DDR2: variants seen among roughly 807,000 people sequenced by gnomAD.
DDR2 encodes discoidin domain-containing receptor 2.
Under a neutral mutation model 94.9 loss-of-function variants are expected in DDR2, and 27 were observed. That is an observed-to-expected ratio of 0.28 (90% CI 0.21 to 0.39). The LOEUF is 0.39. Ranked by LOEUF, DDR2 falls within the 10% of genes least tolerant of loss-of-function variation. DDR2 has a pLI of 1.00. For synonymous variants in DDR2, 382 were observed against 377.2 expected (o/e 1.01, Z -0.15); for missense variants, 783 against 1,076.0 (o/e 0.73, Z 3.81).
intron 9 of DDR2, among the ~76,000 whole-genome samples, chr1:162,762,963 A>G (rs1663815901): frequency 6.6e-6 from 1 of 151,990 alleles, no homozygotes; most frequent in Non-Finnish European, 1.5e-5. Context: ...CAGCCTCCCA[A>G]GTAGCTGGGA....
chr1:162,706,196 T>C (rs1478940380), intron 2 of DDR2, among the ~76,000 whole-genome samples: 1 of 152,178 alleles, frequency 6.6e-6, no homozygotes, highest in Non-Finnish European at 1.5e-5. Flanking sequence ...TCAGCAGCCA[T>C]TCCTGGACAC....
chr1:162,634,793 A>G (rs1656734943), intron 1 of DDR2, among the ~76,000 whole-genome samples: 2 of 152,238 alleles, frequency 1.3e-5, no homozygotes, highest in Non-Finnish European at 2.9e-5. Flanking sequence ...GTGTTTAGTC[A>G]GGACCAGTCC....
chr1:162,631,540 C>T, upstream of DDR2: 1 of 152,170 alleles, frequency 6.6e-6, no homozygotes, highest in Non-Finnish European at 1.5e-5. Flanking sequence ...ATTCTCCATA[C>T]TCACGGAGAA....
In DDR2 at chr1:162,781,408, G is replaced by A. The variant is rs756756335; in HGVS notation, c.*1162G>A. 2 of 152,338 alleles carry A rather than the reference G, an allele frequency of 1.3e-5. No homozygotes were observed. The highest frequency in any genetic ancestry group is 4.8e-5 in the African/African-American group (2 of 41,580). The allele number at this position is 152,338 out of a possible 1,614,324, so 9.4% of individuals were successfully genotyped here. A position where few individuals can be genotyped will look rare whatever the true frequency, so the allele number is the denominator to read the frequency against. On this transcript the variant is annotated 3_prime_UTR_variant, in exon 18 of 18. Coordinates refer to ENST00000367921, the MANE Select transcript of DDR2 (RefSeq NM_006182.4). Reference sequence around the variant, plus strand: ...ATTTCCATTCCTTATTGGGGAAAACGAAGCACTCAGAACATACAAGGATAA... The same window carrying A: ...ATTTCCATTCCTTATTGGGGAAAACAAAGCACTCAGAACATACAAGGATAA...
At chr1:162,770,215 T>C in intron 11 of DDR2, 87 bp from the exon 12 acceptor site, 1 of 1,303,540 alleles carries the variant, frequency 7.7e-7, no homozygotes, top group Non-Finnish European at 1.1e-6. Context: ...GTTATTTCAT[T>C]TGAGTGGGAG....
intron 9 of DDR2, among the ~76,000 whole-genome samples, chr1:162,763,996 T>C (rs1663876282): frequency 1.3e-5 from 2 of 152,238 alleles, no homozygotes; most frequent in Non-Finnish European, 2.9e-5. Flanking sequence ...TTAGCAATTC[T>C]CTTTTCTTTG....
chr1:162,642,763 C>G (rs1657203375), intron 1 of DDR2, among the ~76,000 whole-genome samples: 1 of 152,126 alleles, frequency 6.6e-6, no homozygotes, highest in African/African-American at 2.4e-5. Context: ...AAGTGCTTAC[C>G]TTTATTTAAC....
At chr1:162,717,703 A>G (rs1661234586) in intron 2 of DDR2, among the ~76,000 whole-genome samples, 1 of 152,166 alleles carries the variant, frequency 6.6e-6, no homozygotes, top group Non-Finnish European at 1.5e-5. Flanking sequence ...TGATTTTTTT[A>G]TAAGTAGACT....
upstream of DDR2, among the ~76,000 whole-genome samples, chr1:162,630,997 C>T (rs1656529955): frequency 6.6e-6 from 1 of 152,162 alleles, no homozygotes. Context: ...TTGCTTGCTG[C>T]CTTTAATCAT....
chr1:162,768,201 T>C (rs1306141618), intron 11 of DDR2, among the ~76,000 whole-genome samples: 1 of 152,242 alleles, frequency 6.6e-6, no homozygotes, highest in Admixed American at 6.5e-5. Flanking sequence ...ATTCATTTCA[T>C]CAAAGATGGA....
intron 2 of DDR2, among the ~76,000 whole-genome samples, chr1:162,684,999 C>T (rs1339058474): frequency 6.6e-6 from 1 of 152,110 alleles, no homozygotes; most frequent in Non-Finnish European, 1.5e-5. Flanking sequence ...TTTTCCCTCT[C>T]GGGCTAGTGA....
At chr1:162,771,958 T>A in intron 12 of DDR2, 66 bp from the exon 13 acceptor site, 1 of 1,515,348 alleles carries the variant, frequency 6.6e-7, no homozygotes, top group Non-Finnish European at 9.0e-7. Context: ...CCTCTCAGAG[T>A]TCCTTCCTGA....
intron 2 of DDR2, among the ~76,000 whole-genome samples, chr1:162,664,917 T>C (rs1169735709): frequency 6.6e-6 from 1 of 152,252 alleles, no homozygotes; most frequent in Non-Finnish European, 1.5e-5. Flanking sequence ...TTCCTTGCTC[T>C]TAGTTATTTT....
intron 2 of DDR2, among the ~76,000 whole-genome samples, chr1:162,665,181 A>G (rs906731105): frequency 1.3e-5 from 2 of 152,098 alleles, no homozygotes; most frequent in Admixed American, 6.6e-5. Flanking sequence ...CTGAAACTCT[A>G]CTTGTTCCTG....
At chr1:162,734,421 G>A (rs771909160) in intron 3 of DDR2, among the ~76,000 whole-genome samples, 12 of 152,216 alleles carry the variant, frequency 7.9e-5, no homozygotes, top group Non-Finnish European at 1.3e-4. Context: ...ATACAACAGA[G>A]GAAGATAGAT....
chr1:162,741,263 GTAATATAATATAATATAATA>G (rs71581465), intron 3 of DDR2, among the ~76,000 whole-genome samples: 4,200 of 124,560 alleles, frequency 0.034, 134 homozygotes, highest in Admixed American at 0.044. Context: ...GTAATGTAAT[GTAATATAATATAATATAATA>G]TAATATAATA....
chr1:162,761,621 G>C (rs564506208), intron 9 of DDR2, among the ~76,000 whole-genome samples, 167 bp downstream of exon 9: 18 of 152,314 alleles, frequency 1.2e-4, no homozygotes, highest in African/African-American at 4.3e-4. Context: ...TAACTGTGGA[G>C]GGGATGGGAT....
In DDR2 at chr1:162,768,496, C is replaced by T. The variant is rs906808726; in HGVS notation, c.1293+1137C>T. On this transcript the variant is annotated intron_variant, in intron 11 of 17. Coordinates refer to ENST00000367921, the MANE Select transcript of DDR2 (RefSeq NM_006182.4). Reference sequence around the variant, plus strand: ...ATTTCTGTGTTTGGGGGTGGGGACTCAGAGGAGACCAATGCCTGTGTGGAA... The same window carrying T: ...ATTTCTGTGTTTGGGGGTGGGGACTTAGAGGAGACCAATGCCTGTGTGGAA... Among the ~76,000 whole-genome samples the T allele has an allele frequency of 3.9e-5, 6 of 152,130 alleles. 1 individual carries two copies. The highest frequency in any genetic ancestry group is 1.3e-4 in the Admixed American group (2 of 15,286).
At position 162,637,380 on chromosome 1, in the gene DDR2, A is replaced by C. The variant is rs549847546; in HGVS notation, c.-192+4749A>C. On this transcript the variant is annotated intron_variant, in intron 1 of 17. Transcript: ENST00000367921. ...GTGTTATGCCATAAATAGGACCCCA[A>C]ATTTTATATTTTTTATAATTTTTAA... Among the ~76,000 whole-genome samples the C allele has an allele frequency of 1.3e-3, 195 of 152,162 alleles. 1 individual carries two copies. The highest frequency in any genetic ancestry group is 4.5e-3 in the African/African-American group (186 of 41,554).
Sources: allele counts gnomAD v4.1 joint callset (sites outside exome capture counted in the v4.1 genomes callset), GRCh38; gene constraint gnomAD v4.1.1; transcripts MANE v1.5; gene names NCBI Gene and HGNC (gene_info 2026-07-23, HGNC 2026-07-21).